The following MORC2 variants were observed in gnomAD, a reference collection of about 807,000 sequenced individuals.
MORC2 encodes the protein MORC family CW-type zinc finger 2, also known as ATPase MORC2.
MORC2 carries 30 observed loss-of-function variants against 136.0 expected under a neutral mutation model. That is an observed-to-expected ratio of 0.22 (90% confidence interval 0.17 to 0.30). MORC2 has a LOEUF of 0.30. MORC2 is among the 10% of genes least tolerant of loss of function. MORC2 has a pLI of 1.00. For missense variants in MORC2, 922 were observed against 1,333.1 expected (o/e 0.69, Z 4.80); for synonymous variants, 439 against 487.0 (o/e 0.90, Z 1.30).
intron 1 of MORC2, among the ~76,000 whole-genome samples, chr22:30,962,780 A>G (rs1255824422): frequency 2.0e-5 from 3 of 152,180 alleles, no homozygotes; most frequent in African/African-American, 4.8e-5. Flanking sequence ...GTCAGAGATA[A>G]TACTCAGAAT....
At chr22:30,946,252 A>G (rs1192863664) in intron 6 of MORC2, 89 bp downstream of exon 6, 25 of 920,334 alleles carry the variant, frequency 2.7e-5, no homozygotes, top group Non-Finnish European at 4.2e-5. Flanking sequence ...AACCCCAAAG[A>G]GTCTAGCATT....
At position 30,955,792 on chromosome 22, in the gene MORC2, T is replaced by C. The variant is rs556380464; in HGVS notation, c.157+971A>G. ...GGGAGGCCGAGGCAGGCAGATCACC[T>C]GAGGTCATGAGTTTGAGACCAGCCT... On this transcript the variant is annotated intron_variant, in intron 3 of 25. Coordinates refer to ENST00000397641, the MANE Select transcript of MORC2 (RefSeq NM_001303256.3). Among the ~76,000 whole-genome samples the C allele has an allele frequency of 7.9e-5, 12 of 151,990 alleles. 1 individual carries two copies. In the South Asian group the frequency reaches 2.5e-3, roughly 32 times the overall value.
At chr22:30,943,246 G>A (rs533407322) in intron 6 of MORC2, among the ~76,000 whole-genome samples, 2 of 152,132 alleles carry the variant, frequency 1.3e-5, no homozygotes, top group African/African-American at 4.8e-5. Context: ...TGCATACAAG[G>A]GTGACAAACT....
intron 6 of MORC2, among the ~76,000 whole-genome samples, chr22:30,943,183 A>C (rs1353872638): frequency 1.3e-5 from 2 of 152,236 alleles, no homozygotes; most frequent in South Asian, 4.1e-4. Flanking sequence ...CTACAGTAAG[A>C]GTCCATTTCT....
chr22:30,938,501 A>C (rs767708426), intron 12 of MORC2, among the ~76,000 whole-genome samples: 8 of 152,190 alleles, frequency 5.3e-5, no homozygotes, highest in Non-Finnish European at 1.2e-4. Flanking sequence ...TGCAAAGACA[A>C]TTATATGTTG....
At chr22:30,960,751 A>G (rs1431607119) in intron 1 of MORC2, among the ~76,000 whole-genome samples, 1 of 150,176 alleles carries the variant, frequency 6.7e-6, no homozygotes, top group Non-Finnish European at 1.5e-5. Flanking sequence ...TCGGCCTCCC[A>G]AAGTGCTGGG....
At chr22:30,935,761 A>G (rs1404237403) in intron 17 of MORC2, among the ~76,000 whole-genome samples, 3 of 152,240 alleles carry the variant, frequency 2.0e-5, no homozygotes, top group Non-Finnish European at 2.9e-5. Context: ...TAAACAGATG[A>G]TATCACAGAC....
rs1476604092 is a variant in MORC2 at position 30,935,101 on chromosome 22, C to T, written c.1873G>A (p.Ala625Thr). ...GGCAAAGAAGGGGGTCTGCTGGGGG[C>T]GTTCCTGATCACAGCAGGTAAAGGG... Reference protein sequence around the residue: ...SPPLPAVIRNAPSRPPSLPTP... With the variant: ...SPPLPAVIRNTPSRPPSLPTP... Residue 625 changes from alanine (A) to threonine (T), a missense_variant, in exon 19 of 26, where the codon GCC becomes ACC. Coordinates refer to ENST00000397641, the MANE Select transcript of MORC2 (RefSeq NM_001303256.3). 5.0e-6 allele frequency: 8 copies of T among 1,613,628 alleles called. No individual in the cohort carries two copies. The highest frequency in any genetic ancestry group is 2.2e-5 in the East Asian group (1 of 44,854).
intron 11 of MORC2, 120 bp from the exon 12 acceptor site, chr22:30,939,826 T>A: frequency 7.4e-7 from 1 of 1,349,156 alleles, no homozygotes; most frequent in Non-Finnish European, 1.0e-6. Context: ...ACCTGGAAAT[T>A]TACTTCTTTC....
rs770746258 is a variant in MORC2, at chr22:30,934,885, G to A, written c.2089C>T (p.Pro697Ser). The change falls in exon 19 of 26, where the codon CCA (proline) becomes TCA (serine). Residue 697 changes from proline to serine, a missense_variant. Around this residue, in one of 9 missense-constraint regions of MORC2, gnomAD observed 184 missense variants for 180.3 expected, o/e 1.02. Transcript: ENST00000397641. This position sits in a 1 kb window ranked among gnomAD's most constrained non-coding sequence, Gnocchi z 4.4. ...CTCTTGGAGTTGGGCAGTAAAGATG[G>A]TGACAGTTGCTGCACCAGAGGGGCA... is the stretch of plus-strand genomic sequence containing the variant. ...RPAPLVQQLS[P>S]SLLPNSKSPR... 6.8e-6 allele frequency: 11 copies of A among 1,614,078 alleles called. No homozygotes were observed. In the South Asian group the frequency reaches 1.2e-4, roughly 18 times the overall value.
At chr22:30,957,481 A>C (rs1394090523) in intron 2 of MORC2, among the ~76,000 whole-genome samples, 5 of 152,272 alleles carry the variant, frequency 3.3e-5, no homozygotes, top group Non-Finnish European at 5.9e-5. Context: ...CTGGTTTTAC[A>C]TGCAAAAAAT....
intron 1 of MORC2, among the ~76,000 whole-genome samples, chr22:30,962,395 C>G (rs2041060418): frequency 1.3e-5 from 2 of 151,892 alleles, no homozygotes; most frequent in African/African-American, 4.8e-5. Context: ...AAACCCCCAT[C>G]TCTACAAAAA....
Position 30,939,829 on chromosome 22 carries a change from C to A in MORC2, c.988-123G>T, listed in dbSNP as rs184546519. 32 of 1,340,552 alleles carry A rather than the reference C, an allele frequency of 2.4e-5. No individual in the cohort carries two copies. In the East Asian group the frequency reaches 6.7e-4, roughly 28 times the overall value. 83.0% of individuals were successfully genotyped at this position (1,340,552 alleles called of 1,614,324 possible). A position where few individuals can be genotyped will look rare whatever the true frequency, so the allele number is the denominator to read the frequency against. Reference sequence around the variant, plus strand: ...ATGTAAAACCACACCTGGAAATTTACTTCTTTCTACAGAAAACAGCCCTCA... The same window carrying A: ...ATGTAAAACCACACCTGGAAATTTAATTCTTTCTACAGAAAACAGCCCTCA... On this transcript the variant is annotated intron_variant, in intron 11 of 25. Transcript: ENST00000397641.
In MORC2 at chr22:30,934,020, TAGAGA is replaced by T; in HGVS notation, c.2325+35_2325+39del. On this transcript the variant is annotated intron_variant, in intron 20 of 25. Transcript: ENST00000397641. The surrounding 1 kb of genome is among the most constrained non-coding windows in gnomAD (Gnocchi z 4.4). ...GACTGCTGGTGGGGGCTGCAGGCCCTAGAGAGAGAGGCTTTGAGAACCTCACCTCA... is the reference window on the plus strand; with the variant it reads ...GACTGCTGGTGGGGGCTGCAGGCCCTGAGAGGCTTTGAGAACCTCACCTCA... 1 of 1,611,908 alleles carries T rather than the reference TAGAGA, an allele frequency of 6.2e-7. No individual in the cohort carries two copies. The highest frequency in any genetic ancestry group is 8.5e-7 in the Non-Finnish European group (1 of 1,178,706).
At chr22:30,949,725 C>G in intron 5 of MORC2, 27 bp downstream of exon 5, 2 of 1,578,842 alleles carry the variant, frequency 1.3e-6, no homozygotes, top group Non-Finnish European at 1.7e-6. Context: ...TTGTTTGAGC[C>G]CTGTGACAAG....
chr22:30,940,704 G>T, intron 10 of MORC2, 54 bp downstream of exon 10: 1 of 1,517,970 alleles, frequency 6.6e-7, no homozygotes, highest in Non-Finnish European at 9.2e-7. Flanking sequence ...TTGCCCACAA[G>T]CAGCATACCC....
intron 2 of MORC2, among the ~76,000 whole-genome samples, 193 bp downstream of exon 2, chr22:30,958,448 T>A (rs2040997055): frequency 6.6e-6 from 1 of 152,190 alleles, no homozygotes; most frequent in Admixed American, 6.5e-5. Context: ...ATTAGTGAAT[T>A]TAAGTAAGAA....
intron 1 of MORC2, among the ~76,000 whole-genome samples, chr22:30,965,836 A>C (rs2041119861): frequency 6.6e-6 from 1 of 152,244 alleles, no homozygotes; most frequent in South Asian, 2.1e-4. Context: ...TTAAACTGTG[A>C]AGTATACCCT....
At chr22:30,954,875 T>C (rs2040943032) in intron 3 of MORC2, among the ~76,000 whole-genome samples, 1 of 152,176 alleles carries the variant, frequency 6.6e-6, no homozygotes, top group African/African-American at 2.4e-5. Flanking sequence ...GCGGTAGCTG[T>C]TACCATTCCT....
Sources: allele counts gnomAD v4.1 joint callset (sites outside exome capture counted in the v4.1 genomes callset), GRCh38; gene constraint gnomAD v4.1.1; regional missense constraint gnomAD v4.1.1; non-coding constraint Gnocchi (gnomAD v3.1); transcripts MANE v1.5; gene names NCBI Gene and HGNC (gene_info 2026-07-23, HGNC 2026-07-21).